The following ICAM5 variants were observed in gnomAD, a reference collection of about 807,000 sequenced individuals.
ICAM5 encodes the protein intercellular adhesion molecule 5, also known as ICAM-5.
In ICAM5, 38 loss-of-function variants were observed where a neutral mutation model predicts 78.8. The observed-to-expected ratio is 0.48, with a 90% CI of 0.37 to 0.63. The LOEUF (loss-of-function observed/expected upper bound fraction) is 0.63, where lower values mean the gene tolerates loss of function less well. Among genes scored for constraint, ICAM5 ranks in the 30% least tolerant of loss-of-function variants. The pLI, the probability that ICAM5 is intolerant of heterozygous loss-of-function variation, is 0.00. For synonymous variants in ICAM5, 544 were observed against 590.9 expected (o/e 0.92, Z 1.15); for missense variants, 1,059 against 1,303.0 (o/e 0.81, Z 2.88).
intron 10 of ICAM5, 128 bp downstream of exon 10, chr19:10,295,740 A>T: frequency 8.9e-7 from 1 of 1,122,384 alleles, no homozygotes; most frequent in Non-Finnish European, 1.2e-6. Flanking sequence ...GACAGAGTAG[A>T]AGTCAAAGGT....
At position 10,296,397 on chromosome 19, in the gene ICAM5, G is replaced by T; in HGVS notation, c.2556G>T (p.Ala852=). 1 of 1,271,712 alleles carries T rather than the reference G, an allele frequency of 7.9e-7. No homozygotes were observed. The highest frequency in any genetic ancestry group is 3.2e-5 in the East Asian group (1 of 31,258). 78.8% of individuals were successfully genotyped at this position (1,271,712 alleles called of 1,614,324 possible). Residue 852 remains alanine (A), a synonymous_variant, in exon 11 of 11, where the codon GCG becomes GCT. Coordinates refer to ENST00000221980, the MANE Select transcript of ICAM5 (RefSeq NM_003259.4). The part of the protein sequence containing the change: ...GAAGGAALLA[A]GAGLAFYVQS... Reference sequence around the variant, plus strand: ...CGGGGGGCGCGGCGCTGCTGGCCGCGGGGGCCGGCCTGGCCTTCTACGTGC... The same window carrying T: ...CGGGGGGCGCGGCGCTGCTGGCCGCTGGGGCCGGCCTGGCCTTCTACGTGC...
Position 10,292,025 on chromosome 19 carries a change from C to T in ICAM5, c.674-10C>T. ...CGGAGTTAGTTCAAACTTGGTTCTT[C>T]GACCCCTAGCCCTGTCTCCGGATGC... On this transcript the variant is annotated splice_polypyrimidine_tract_variant and intron_variant, in intron 3 of 10. Coordinates refer to ENST00000221980, the MANE Select transcript of ICAM5 (RefSeq NM_003259.4). 6.2e-7 allele frequency: 1 copy of T among 1,608,446 alleles called. No individual in the cohort carries two copies. Among genetic ancestry groups the T allele is most frequent in the Non-Finnish European group, 8.5e-7 (1 of 1,176,324 alleles).
In ICAM5 at chr19:10,290,083, G is replaced by T; in HGVS notation, c.40G>T (p.Gly14Cys). The change falls in exon 1 of 11, where the codon GGC becomes TGC. Residue 14 changes from glycine (G) to cysteine (C), a missense_variant. Transcript: ENST00000221980. The surrounding 1 kb of genome is among the most constrained non-coding windows in gnomAD (Gnocchi z 5.7). ...PSPGLRRALL[G>C]LWAALGLGLF... ...GCCAGGGCTGCGCCGGGCGCTACTC[G>T]GCCTCTGGGCTGCTCTGGGCCTGGG... 6.5e-7 allele frequency: 1 copy of T among 1,542,336 alleles called. No individual in the cohort carries two copies.
At chr19:10,292,433 C>T (rs1261965849) in intron 4 of ICAM5, 111 bp downstream of exon 4, 13 of 1,270,664 alleles carry the variant, frequency 1.0e-5, no homozygotes, top group Non-Finnish European at 1.4e-5. Flanking sequence ...GCCCGAGGGG[C>T]GGGGCAGGTG....
rs1270214438 is a variant in ICAM5, at chr19:10,292,858, G to A, written c.1208G>A (p.Arg403His). 6.2e-7 allele frequency: 1 copy of A among 1,611,548 alleles called. No homozygotes were observed. Among genetic ancestry groups the A allele is most frequent in the Non-Finnish European group, 8.5e-7 (1 of 1,179,094 alleles). Residue 403 changes from arginine to histidine, a missense_variant, in exon 5 of 11, where the codon CGT becomes CAT. Transcript: ENST00000221980. ...TLIKNRSAEL[R>H]VLYAPRLDDS... ...ATCAAGAACAGGAGCGCAGAGCTTC[G>A]TGTCCTATGTGAGTTGGTGATAACC...
Position 10,294,648 on chromosome 19 carries a change from G to A in ICAM5, c.2230+8G>A. ...TCACTGTGGGCGTGGAATGTGAGTG[G>A]GGGCAGCACCGGATGGAGGGGACAC... On this transcript the variant is annotated splice_region_variant and intron_variant, in intron 9 of 10. Transcript: ENST00000221980. The surrounding 1 kb of genome is among the most constrained non-coding windows in gnomAD (Gnocchi z 7.7). 1 of 1,612,576 alleles carries A rather than the reference G, an allele frequency of 6.2e-7. No individual in the cohort carries two copies. Among genetic ancestry groups the A allele is most frequent in the Non-Finnish European group, 8.5e-7 (1 of 1,179,792 alleles).
rs2040221245 is a variant in ICAM5, at chr19:10,296,480, A to G, written c.2639A>G (p.Glu880Gly). Residue 880 changes from glutamate to glycine, a missense_variant, in exon 11 of 11, where the codon GAG becomes GGG. Coordinates refer to ENST00000221980, the MANE Select transcript of ICAM5 (RefSeq NM_003259.4). ...YNVQEAESSGEAVCLNGAGGG... is the reference protein window; with the variant it reads ...YNVQEAESSGGAVCLNGAGGG... ...GTGCAGGAGGCCGAGAGCTCAGGCGAGGCCGTGTGTCTGAACGGAGCGGGC... is the reference window on the plus strand; with the variant it reads ...GTGCAGGAGGCCGAGAGCTCAGGCGGGGCCGTGTGTCTGAACGGAGCGGGC... 2.3e-6 allele frequency: 3 copies of G among 1,289,410 alleles called. No individual in the cohort carries two copies. Among genetic ancestry groups the G allele is most frequent in the Non-Finnish European group, 3.0e-6 (3 of 1,000,532 alleles). 79.9% of individuals were successfully genotyped at this position (1,289,410 alleles called of 1,614,324 possible).
In ICAM5 at chr19:10,290,021, C is replaced by T; in HGVS notation, c.-23C>T. 6.5e-7 allele frequency: 1 copy of T among 1,534,960 alleles called. No homozygotes were observed. On this transcript the variant is annotated 5_prime_UTR_variant, in exon 1 of 11. Transcript: ENST00000221980. The surrounding 1 kb of genome is among the most constrained non-coding windows in gnomAD (Gnocchi z 5.7). ...TCCTCGGCTCGCGCTCTCCTCGCCT[C>T]CTGTGCTTTCCCCGCCGCGGCGATG...
rs150873217 is a variant in ICAM5, at chr19:10,294,608, C to T, written c.2198C>T (p.Thr733Met). ...TGTGTGGCCACCAATGCGCATGGCACGGACTCCCGGACCGTCACTGTGGGC... is the reference window on the plus strand; with the variant it reads ...TGTGTGGCCACCAATGCGCATGGCATGGACTCCCGGACCGTCACTGTGGGC... ...YHCVATNAHG[T>M]DSRTVTVGVE... is the part of the protein sequence containing the mutation. The change falls in exon 9 of 11, where the codon ACG (threonine) becomes ATG (methionine). Residue 733 changes from threonine (T) to methionine (M), a missense_variant. Thr to Met is a moderately conservative substitution (Grantham distance 81, BLOSUM62 -1). This residue lies in a region of ICAM5 where 135 missense variants were observed against 230.2 expected (regional missense o/e 0.59). Coordinates refer to ENST00000221980, the MANE Select transcript of ICAM5 (RefSeq NM_003259.4). This position sits in a 1 kb window ranked among gnomAD's most constrained non-coding sequence, Gnocchi z 7.7. 8.1e-6 allele frequency: 13 copies of T among 1,612,680 alleles called. No homozygotes were observed. The East Asian group carries it at 2.7e-4, about 33-fold the overall frequency.
Position 10,294,681 on chromosome 19 carries a change from G to A in ICAM5, c.2230+41G>A, listed in dbSNP as rs759709582. Reference sequence around the variant, plus strand: ...ACCGGATGGAGGGGACACGGTCCTCGGAAGAATGACTCGCAGCGGTGGGAG... The same window carrying A: ...ACCGGATGGAGGGGACACGGTCCTCAGAAGAATGACTCGCAGCGGTGGGAG... On this transcript the variant is annotated intron_variant, in intron 9 of 10. Transcript: ENST00000221980. The surrounding 1 kb of genome is among the most constrained non-coding windows in gnomAD (Gnocchi z 7.7). 2 of 1,609,498 alleles carry A rather than the reference G, an allele frequency of 1.2e-6. No homozygotes were observed. Among genetic ancestry groups the A allele is most frequent in the South Asian group, 1.1e-5 (1 of 90,798 alleles).
chr19:10,292,791 T>A lies in ICAM5; in HGVS notation c.1141T>A (p.Phe381Ile). The A allele has an allele frequency of 1.2e-6, 2 of 1,612,702 alleles. No homozygotes were observed. Among genetic ancestry groups the A allele is most frequent in the Non-Finnish European group, 1.7e-6 (2 of 1,179,814 alleles). ...NATENDDRRS[F>I]FCDATLDVDG... ...CACCGAGAACGACGACAGACGCAGC[T>A]TCTTCTGCGACGCCACCCTCGATGT... The change falls in exon 5 of 11, where the codon TTC becomes ATC. Residue 381 changes from phenylalanine (F) to isoleucine (I), a missense_variant. This residue lies in a region of ICAM5 where 815 missense variants were observed against 952.8 expected (regional missense o/e 0.86). Coordinates refer to ENST00000221980, the MANE Select transcript of ICAM5 (RefSeq NM_003259.4).
chr19:10,293,811 G>T lies in ICAM5; in HGVS notation c.1579G>T (p.Val527Leu), dbSNP rs1306500851. Reference sequence around the variant, plus strand: ...GGTACCGCCGCCTGATGTGATCTGCGTGCGCTCTGGAGAACTCGGGGCCGT... The same window carrying T: ...GGTACCGCCGCCTGATGTGATCTGCTTGCGCTCTGGAGAACTCGGGGCCGT... ...HGVPPPDVIC[V>L]RSGELGAVIE... The change falls in exon 7 of 11, where the codon GTG (valine) becomes TTG (leucine). Residue 527 changes from valine (V) to leucine (L), a missense_variant. By Grantham distance (32) the Val-to-Leu change is conservative (BLOSUM62 1). This residue lies in a region of ICAM5 where 815 missense variants were observed against 952.8 expected (regional missense o/e 0.86). Transcript: ENST00000221980. This position sits in a 1 kb window ranked among gnomAD's most constrained non-coding sequence, Gnocchi z 5.0. The T allele has an allele frequency of 1.9e-6, 3 of 1,613,452 alleles. No individual in the cohort carries two copies. Among genetic ancestry groups the T allele is most frequent in the Non-Finnish European group, 2.5e-6 (3 of 1,180,040 alleles).
rs1349237006 is a variant in ICAM5, at chr19:10,292,056, G to A, written c.695G>A (p.Arg232His). 1.2e-6 allele frequency: 2 copies of A among 1,612,284 alleles called. No homozygotes were observed. Among genetic ancestry groups the A allele is most frequent in the Non-Finnish European group, 1.7e-6 (2 of 1,179,142 alleles). Reference sequence around the variant, plus strand: ...CTAGCCCTGTCTCCGGATGCCCCGCGCCTCGCTGCTCCCCGGCTCTTGGAA... The same window carrying A: ...CTAGCCCTGTCTCCGGATGCCCCGCACCTCGCTGCTCCCCGGCTCTTGGAA... Reference protein sequence around the residue: ...RTFSLSPDAPRLAAPRLLEVG... With the variant: ...RTFSLSPDAPHLAAPRLLEVG... The change falls in exon 4 of 11, where the codon CGC becomes CAC. Residue 232 changes from arginine (R) to histidine (H), a missense_variant. Transcript: ENST00000221980.
chr19:10,293,715 A>G lies in ICAM5; in HGVS notation c.1483A>G (p.Ser495Gly). 6.2e-7 allele frequency: 1 copy of G among 1,613,854 alleles called. No homozygotes were observed. Among genetic ancestry groups the G allele is most frequent in the South Asian group, 1.1e-5 (1 of 91,082 alleles). The change falls in exon 7 of 11, where the codon AGC (serine) becomes GGC (glycine). Residue 495 changes from serine to glycine, a missense_variant. Transcript: ENST00000221980. The surrounding 1 kb of genome is among the most constrained non-coding windows in gnomAD (Gnocchi z 5.0). ...TCCTCCAGACGCACCAGCGCTGGAC[A>G]GCGTGGGCTGCCCAGAACGCATTAC... ...LTVEYAPALD[S>G]VGCPERITWL...
rs1371780272 is a variant in ICAM5, at chr19:10,295,604, G to A, written c.2489G>A (p.Arg830His). ...HGRHARRITV[R>H]VAGPWLWVAV... ...CGCCACGCGCGGCGCATCACGGTGC[G>A]CGTGGCCGGTAAGTGGCAGCTGGGG... The change falls in exon 10 of 11, where the codon CGC becomes CAC. Residue 830 changes from arginine to histidine, a missense_variant. By Grantham distance (29) the Arg-to-His change is conservative. Transcript: ENST00000221980. 13 of 1,541,370 alleles carry A rather than the reference G, an allele frequency of 8.4e-6. No individual in the cohort carries two copies. The highest frequency in any genetic ancestry group is 1.1e-5 in the Non-Finnish European group (13 of 1,145,308).
intron 4 of ICAM5, 118 bp downstream of exon 4, chr19:10,292,440 G>C: frequency 7.3e-7 from 1 of 1,362,828 alleles, no homozygotes; most frequent in Non-Finnish European, 9.9e-7. Context: ...GGGCGGGGCA[G>C]GTGGGGGCGG....
In ICAM5 at chr19:10,294,302, C is replaced by T. The variant is rs767712563; in HGVS notation, c.1974C>T (p.Val658=). ...GCCACGGCTCCGTGGCCAAAACAGT[C>T]GTCGTGAGCGCGGAGTGTGAGCGAG... ...TNRHGSVAKT[V]VVSAESPPEM... is the part of the protein sequence containing the mutation. The change falls in exon 8 of 11, where the codon GTC becomes GTT. Residue 658 remains valine (V), a synonymous_variant. Coordinates refer to ENST00000221980, the MANE Select transcript of ICAM5 (RefSeq NM_003259.4). This position sits in a 1 kb window ranked among gnomAD's most constrained non-coding sequence, Gnocchi z 7.7. The T allele has an allele frequency of 5.6e-6, 9 of 1,613,020 alleles. No individual in the cohort carries two copies. The highest frequency in any genetic ancestry group is 3.3e-5 in the Admixed American group (2 of 59,744).
rs781414676 is a variant in ICAM5 at position 10,293,169 on chromosome 19, C to T, written c.1388C>T (p.Ala463Val). The T allele has an allele frequency of 6.2e-7, 1 of 1,611,294 alleles. No homozygotes were observed. The highest frequency in any genetic ancestry group is 1.1e-5 in the South Asian group (1 of 90,926). Reference sequence around the variant, plus strand: ...GGCCTGCTGGGTCCAGTCACTCGGGCGCTCTCAGGCACTTACCGCTGCAAG... The same window carrying T: ...GGCCTGCTGGGTCCAGTCACTCGGGTGCTCTCAGGCACTTACCGCTGCAAG... ...ALGLLGPVTR[A>V]LSGTYRCKAA... Residue 463 changes from alanine to valine, a missense_variant, in exon 6 of 11, where the codon GCG (alanine) becomes GTG (valine). Transcript: ENST00000221980. The surrounding 1 kb of genome is among the most constrained non-coding windows in gnomAD (Gnocchi z 5.0).
At chr19:10,295,848 C>G (rs2040216372) in intron 10 of ICAM5, among the ~76,000 whole-genome samples, 1 of 152,190 alleles carries the variant, frequency 6.6e-6, no homozygotes, top group Non-Finnish European at 1.5e-5. Context: ...GGGGCTGTCA[C>G]TGCTGCAGGA....
Sources: gnomAD v4.1 joint callset for allele counts (sites outside exome capture counted in the v4.1 genomes callset) on GRCh38, gnomAD v4.1.1 for gene constraint, gnomAD v4.1.1 regional missense constraint, Gnocchi (gnomAD v3.1) non-coding constraint, MANE v1.5 for transcripts, NCBI Gene and HGNC (gene_info 2026-07-23, HGNC 2026-07-21) for gene names.